HDAC7: variants seen among roughly 807,000 people sequenced by gnomAD.
The protein encoded by HDAC7 is histone deacetylase 7A.
Under a neutral mutation model 115.5 loss-of-function variants are expected in HDAC7, and 26 were observed. The ratio of observed to expected loss-of-function variants is 0.23; its 90% CI spans 0.16 to 0.31. The LOEUF (loss-of-function observed/expected upper bound fraction) is 0.31, where lower values mean the gene tolerates loss of function less well. HDAC7 is among the 10% of genes least tolerant of loss of function. The pLI, the probability that HDAC7 is intolerant of heterozygous loss-of-function variation, is 1.00. For synonymous variants in HDAC7, 564 were observed against 550.9 expected (o/e 1.02, Z -0.33); for missense variants, 1,068 against 1,329.0 (o/e 0.80, Z 3.05).
Position 47,798,392 on chromosome 12 carries a change from C to T in HDAC7, c.349+170G>A, listed in dbSNP as rs1360370336. Among the ~76,000 whole-genome samples the T allele has an allele frequency of 2.0e-5, 3 of 151,746 alleles. No individual in the cohort carries two copies. The highest frequency in any genetic ancestry group is 7.3e-5 in the African/African-American group (3 of 41,276). On this transcript the variant is annotated intron_variant, in intron 4 of 25. Transcript: ENST00000080059. This position sits in a 1 kb window ranked among gnomAD's most constrained non-coding sequence, Gnocchi z 4.3. The stretch of plus-strand genomic sequence containing the variant: ...TAGAGCCTCCAGACACCACCCCCCA[C>T]CCCCACATCCCCCACACATTCACAG...
intron 1 of HDAC7, among the ~76,000 whole-genome samples, chr12:47,817,110 A>G (rs1944872349): frequency 6.6e-6 from 1 of 152,194 alleles, no homozygotes; most frequent in Non-Finnish European, 1.5e-5. Flanking sequence ...GGGGGAAAAT[A>G]TTACAAGGAA....
At chr12:47,817,163 T>A (rs1213758155) in intron 1 of HDAC7, among the ~76,000 whole-genome samples, 3 of 152,228 alleles carry the variant, frequency 2.0e-5, no homozygotes, top group Admixed American at 6.5e-5. Flanking sequence ...GGCTTCCTGC[T>A]GTGTTGCCCA....
chr12:47,813,892 G>T (rs146603281), intron 1 of HDAC7, among the ~76,000 whole-genome samples: 1 of 152,228 alleles, frequency 6.6e-6, no homozygotes, highest in Non-Finnish European at 1.5e-5. Flanking sequence ...GCAGCCTGAA[G>T]CTCTGGGTCC....
At chr12:47,808,867 A>G (rs1000298812) in intron 1 of HDAC7, among the ~76,000 whole-genome samples, 7 of 152,200 alleles carry the variant, frequency 4.6e-5, no homozygotes, top group East Asian at 1.9e-4. Context: ...AAAGCCCTCA[A>G]AGACATAAGT....
Position 47,819,751 on chromosome 12 carries a change from G to A in HDAC7, c.19+16C>T, listed in dbSNP as rs1944969178. On this transcript the variant is annotated intron_variant, in intron 1 of 25. Coordinates refer to ENST00000080059, the MANE Select transcript of HDAC7 (RefSeq NM_015401.5). ...CGCGCGCAGGGCGGGGCGGGGGGCG[G>A]CCGCCCAGTACTCACCAGCGCCGGG... 2 of 839,604 alleles carry A rather than the reference G, an allele frequency of 2.4e-6. No homozygotes were observed. The highest frequency in any genetic ancestry group is 2.9e-6 in the Non-Finnish European group (2 of 688,638). 52.0% of individuals were successfully genotyped at this position (839,604 alleles called of 1,614,324 possible).
chr12:47,798,086 G>A lies in HDAC7; in HGVS notation c.461+22C>T. ...GTGGAGGGTGCATGTGGGGACAGGA[G>A]GGCAGGTGAGGAGGGTGTTACCTGT... On this transcript the variant is annotated intron_variant, in intron 5 of 25. Coordinates refer to ENST00000080059, the MANE Select transcript of HDAC7 (RefSeq NM_015401.5). This position sits in a 1 kb window ranked among gnomAD's most constrained non-coding sequence, Gnocchi z 4.3. The A allele has an allele frequency of 1.3e-6, 2 of 1,547,348 alleles. No individual in the cohort carries two copies. Among genetic ancestry groups the A allele is most frequent in the South Asian group, 2.2e-5 (2 of 89,748 alleles).
chr12:47,786,723 G>A lies in HDAC7; in HGVS notation c.2454-20C>T. The A allele has an allele frequency of 6.3e-7, 1 of 1,595,422 alleles. No homozygotes were observed. The highest frequency in any genetic ancestry group is 1.7e-5 in the Admixed American group (1 of 59,986). ...ACTATCCTGTGAGGTCACAAGAAGTGGCGATCATCGTACTGTGCAGGGTTG... is the reference window on the plus strand; with the variant it reads ...ACTATCCTGTGAGGTCACAAGAAGTAGCGATCATCGTACTGTGCAGGGTTG... On this transcript the variant is annotated intron_variant, in intron 21 of 25. Coordinates refer to ENST00000080059, the MANE Select transcript of HDAC7 (RefSeq NM_015401.5).
chr12:47,791,078 G>C, intron 16 of HDAC7, 181 bp downstream of exon 16: 1 of 644,836 alleles, frequency 1.6e-6, no homozygotes, highest in Non-Finnish European at 2.8e-6. Context: ...CTGTGGGTCC[G>C]AGACACGCCT....
At chr12:47,815,882 G>A (rs982937329) in intron 1 of HDAC7, among the ~76,000 whole-genome samples, 4 of 146,254 alleles carry the variant, frequency 2.7e-5, no homozygotes, top group African/African-American at 7.6e-5. Flanking sequence ...AAGCCACCGC[G>A]TCCAGCCAGG....
At position 47,795,518 on chromosome 12, in the gene HDAC7, C is replaced by G; in HGVS notation, c.1087+69G>C. ...ACAGAGATGGGGAGGAAGGATGGGT[C>G]CATCCCAAGCTTGGCTCTTAGCAGG... On this transcript the variant is annotated intron_variant, in intron 10 of 25. Coordinates refer to ENST00000080059, the MANE Select transcript of HDAC7 (RefSeq NM_015401.5). This position sits in a 1 kb window ranked among gnomAD's most constrained non-coding sequence, Gnocchi z 4.3. The G allele has an allele frequency of 6.7e-7, 1 of 1,491,932 alleles. No homozygotes were observed. Among genetic ancestry groups the G allele is most frequent in the Non-Finnish European group, 9.1e-7 (1 of 1,099,658 alleles). 92.4% of individuals were successfully genotyped at this position (1,491,932 alleles called of 1,614,324 possible).
chr12:47,787,641 C>G, intron 21 of HDAC7, 71 bp downstream of exon 21: 1 of 1,056,286 alleles, frequency 9.5e-7, no homozygotes, highest in Non-Finnish European at 1.4e-6. Context: ...CTGATCACCT[C>G]CCCCCTGGTG....
intron 2 of HDAC7, among the ~76,000 whole-genome samples, chr12:47,801,637 G>A (rs973747536): frequency 2.6e-5 from 4 of 152,214 alleles, no homozygotes; most frequent in African/African-American, 9.7e-5. Flanking sequence ...GCCCTTGGTT[G>A]ATACTGGCTA....
At chr12:47,791,331 C>T (rs756160016) in intron 15 of HDAC7, 23 bp from the exon 16 acceptor site, 9 of 1,559,912 alleles carry the variant, frequency 5.8e-6, no homozygotes, top group African/African-American at 4.1e-5. Flanking sequence ...GCCCAGCCCA[C>T]GTCAGCGTGA....
At position 47,793,344 on chromosome 12, in the gene HDAC7, C is replaced by A; in HGVS notation, c.1678+25G>T. 2 of 1,370,156 alleles carry A rather than the reference C, an allele frequency of 1.5e-6. No individual in the cohort carries two copies. The highest frequency in any genetic ancestry group is 9.9e-7 in the Non-Finnish European group (1 of 1,008,476). The allele number at this position is 1,370,156 out of a possible 1,614,324, so 84.9% of individuals were successfully genotyped here. ...TCGTGCAGCCGAGCCCCTCCCTCCA[C>A]CCGCCACCCTCCTCCCGGTCTCACC... is the stretch of plus-strand genomic sequence containing the variant. On this transcript the variant is annotated intron_variant, in intron 13 of 25. Transcript: ENST00000080059. The surrounding 1 kb of genome is among the most constrained non-coding windows in gnomAD (Gnocchi z 4.5).
intron 1 of HDAC7, among the ~76,000 whole-genome samples, chr12:47,802,882 A>T (rs1944236091): frequency 1.3e-5 from 2 of 152,128 alleles, no homozygotes; most frequent in African/African-American, 4.8e-5. Flanking sequence ...TGAAGTGATA[A>T]GGTCAGGAGT....
At position 47,798,637 on chromosome 12, in the gene HDAC7, G is replaced by C. The variant is rs900644640; in HGVS notation, c.274C>G (p.Pro92Ala). ...VEPMRLSMDT[P>A]MPELQVGPQE... ...GGTCCCACCTGCAACTCGGGCATCGGCGTGTCCATGGAGAGCTGTGGGCAG... is the reference window on the plus strand; with the variant it reads ...GGTCCCACCTGCAACTCGGGCATCGCCGTGTCCATGGAGAGCTGTGGGCAG... The change falls in exon 4 of 26, where the codon CCG (proline) becomes GCG (alanine). Residue 92 changes from proline (P) to alanine (A), a missense_variant. Pro to Ala is a conservative substitution (Grantham distance 27, BLOSUM62 -1). Transcript: ENST00000080059. This position sits in a 1 kb window ranked among gnomAD's most constrained non-coding sequence, Gnocchi z 4.3. 2.5e-6 allele frequency: 4 copies of C among 1,613,554 alleles called. No individual in the cohort carries two copies. Among genetic ancestry groups the C allele is most frequent in the Non-Finnish European group, 3.4e-6 (4 of 1,179,714 alleles).
chr12:47,793,248 G>T lies in HDAC7; in HGVS notation c.1678+121C>A. On this transcript the variant is annotated intron_variant, in intron 13 of 25. Transcript: ENST00000080059. The surrounding 1 kb of genome is among the most constrained non-coding windows in gnomAD (Gnocchi z 4.5). ...TCCATGTGCTCCATGGGTACTACGT[G>T]GGCCTAACAAGGCTAAGCACTCTGT... 1.4e-6 allele frequency: 1 copy of T among 698,424 alleles called. No homozygotes were observed. Among genetic ancestry groups the T allele is most frequent in the Non-Finnish European group, 2.3e-6 (1 of 432,040 alleles). The allele number at this position is 698,424 out of a possible 1,614,324, so 43.3% of individuals were successfully genotyped here. A position where few individuals can be genotyped will look rare whatever the true frequency, so the allele number is the denominator to read the frequency against.
At chr12:47,807,118 T>C (rs1422279433) in intron 1 of HDAC7, among the ~76,000 whole-genome samples, 1 of 152,188 alleles carries the variant, frequency 6.6e-6, no homozygotes, top group Non-Finnish European at 1.5e-5. Context: ...TTTTGTATTT[T>C]TAGTAGAGAC....
At chr12:47,794,569 G>C (rs908734882) in intron 12 of HDAC7, among the ~76,000 whole-genome samples, 191 bp downstream of exon 12, 1 of 152,250 alleles carries the variant, frequency 6.6e-6, no homozygotes, top group African/African-American at 2.4e-5. Context: ...GTGTGTATGG[G>C]TGTGTGAGTG....
Sources: allele counts gnomAD v4.1 joint callset (sites outside exome capture counted in the v4.1 genomes callset), GRCh38; gene constraint gnomAD v4.1.1; non-coding constraint Gnocchi (gnomAD v3.1); transcripts MANE v1.5; gene names NCBI Gene and HGNC (gene_info 2026-07-23, HGNC 2026-07-21).